The following HIVEP2 variants were observed in gnomAD, a reference collection of about 807,000 sequenced individuals.
HIVEP2 encodes the protein transcription factor HIVEP2.
Under a neutral mutation model 180.7 loss-of-function variants are expected in HIVEP2, and 14 were observed. That is an observed-to-expected ratio of 0.08 (90% confidence interval 0.05 to 0.12). HIVEP2 has a LOEUF of 0.12. Ranked by LOEUF, HIVEP2 falls within the 10% of genes least tolerant of loss-of-function variation. HIVEP2 has a pLI of 1.00. For synonymous variants in HIVEP2, 1,184 were observed against 1,136.4 expected, an observed-to-expected ratio of 1.04 and a Z score of -0.84; for missense variants, 2,579 against 3,008.5, an observed-to-expected ratio of 0.86 and a Z score of 3.34.
intron 1 of HIVEP2, among the ~76,000 whole-genome samples, chr6:142,846,890 G>A (rs1036987280): frequency 2.6e-5 from 4 of 152,210 alleles, no homozygotes; most frequent in Admixed American, 2.6e-4. Flanking sequence ...TTAAGGACCA[G>A]GATGAGGTGC....
At chr6:142,756,743 C>T (rs941021222) in intron 9 of HIVEP2, among the ~76,000 whole-genome samples, 4 of 151,656 alleles carry the variant, frequency 2.6e-5, no homozygotes, top group South Asian at 2.1e-4. Context: ...TCGAACCATG[C>T]GTAGTAGACC....
intron 1 of HIVEP2, among the ~76,000 whole-genome samples, chr6:142,907,202 T>A (rs753131831): frequency 6.6e-6 from 1 of 152,224 alleles, no homozygotes; most frequent in Non-Finnish European, 1.5e-5. Context: ...ATTGTTCATT[T>A]CTATCCTTGT....
chr6:142,845,840 C>T (rs1015773771), intron 1 of HIVEP2, among the ~76,000 whole-genome samples: 15 of 152,234 alleles, frequency 9.9e-5, no homozygotes, highest in African/African-American at 3.6e-4. Context: ...AGAGGCCCTC[C>T]CCCGGACAAC....
intron 2 of HIVEP2, among the ~76,000 whole-genome samples, chr6:142,801,687 T>C (rs1361553765): frequency 6.6e-6 from 1 of 152,138 alleles, no homozygotes; most frequent in Non-Finnish European, 1.5e-5. Flanking sequence ...ATTCCTGCCC[T>C]GCTATCTTCC....
At chr6:142,804,436 G>A (rs144322987) in intron 2 of HIVEP2, among the ~76,000 whole-genome samples, 11 of 152,146 alleles carry the variant, frequency 7.2e-5, no homozygotes, top group African/African-American at 2.2e-4. Context: ...TCAGAGGAAG[G>A]CAGGTAATGA....
At chr6:142,803,119 C>G (rs763270723) in intron 2 of HIVEP2, among the ~76,000 whole-genome samples, 2 of 152,082 alleles carry the variant, frequency 1.3e-5, no homozygotes, top group Non-Finnish European at 2.9e-5. Flanking sequence ...GTCAAGATTG[C>G]TAGTGTATTT....
intron 1 of HIVEP2, among the ~76,000 whole-genome samples, chr6:142,842,233 A>G (rs1775383956): frequency 6.6e-6 from 1 of 152,220 alleles, no homozygotes; most frequent in South Asian, 2.1e-4. Context: ...AAAGATAGAG[A>G]AAAAGTGCAG....
chr6:142,832,491 C>T (rs537451945), intron 2 of HIVEP2, among the ~76,000 whole-genome samples: 18 of 152,020 alleles, frequency 1.2e-4, no homozygotes, highest in Non-Finnish European at 2.4e-4. Flanking sequence ...AGAAGTAATA[C>T]TACAATAAAA....
chr6:142,919,809 A>T (rs367739726), intron 1 of HIVEP2, among the ~76,000 whole-genome samples: 5 of 152,244 alleles, frequency 3.3e-5, no homozygotes, highest in African/African-American at 1.2e-4. Flanking sequence ...TTTCACATTT[A>T]GTGTGCTATT....
intron 1 of HIVEP2, among the ~76,000 whole-genome samples, chr6:142,854,218 C>T (rs1162816918): frequency 6.6e-6 from 1 of 152,098 alleles, no homozygotes; most frequent in Non-Finnish European, 1.5e-5. Context: ...GGAGTTCTTT[C>T]TGGTTGCCAA....
At chr6:142,941,790 A>T (rs1778185483) in intron 1 of HIVEP2, among the ~76,000 whole-genome samples, 1 of 152,232 alleles carries the variant, frequency 6.6e-6, no homozygotes, top group South Asian at 2.1e-4. Context: ...ATATGAATTC[A>T]TGATGAATTC....
At position 142,772,060 on chromosome 6, in the gene HIVEP2, C is replaced by A. The variant is rs1247033068; in HGVS notation, c.2679G>T (p.Val893=). ...QHNIQVPEIR[V]TEEPDKPEKE... is the part of the protein sequence containing the mutation. ...TCTCAGGTTTATCAGGCTCCTCGGT[C>A]ACTCGAATCTCAGGAACCTGGATGT... Residue 893 remains valine (V), a synonymous_variant, in exon 5 of 10, where the codon GTG becomes GTT. Coordinates refer to ENST00000367603, the MANE Select transcript of HIVEP2 (RefSeq NM_006734.4). This position sits in a 1 kb window ranked among gnomAD's most constrained non-coding sequence, Gnocchi z 4.9. 1 of 1,614,202 alleles carries A rather than the reference C, an allele frequency of 6.2e-7. No individual in the cohort carries two copies. Among genetic ancestry groups the A allele is most frequent in the Non-Finnish European group, 8.5e-7 (1 of 1,180,042 alleles).
intron 1 of HIVEP2, among the ~76,000 whole-genome samples, chr6:142,942,235 C>G (rs1165077993): frequency 2.0e-5 from 3 of 151,858 alleles, no homozygotes; most frequent in African/African-American, 7.3e-5. Context: ...AAAGCTGAAA[C>G]CCAATACAGT....
intron 2 of HIVEP2, among the ~76,000 whole-genome samples, chr6:142,801,413 CAA>C (rs10569495): frequency 0.5 from 50,961 of 102,262 alleles, 9,228 homozygotes; most frequent in South Asian, 0.57. Flanking sequence ...GACTCTGTCT[CAA>C]AAAAAAAAAA....
At chr6:142,870,440 C>T (rs977737323) in intron 1 of HIVEP2, among the ~76,000 whole-genome samples, 8 of 152,076 alleles carry the variant, frequency 5.3e-5, no homozygotes, top group Non-Finnish European at 8.8e-5. Flanking sequence ...TTGTTTTTTG[C>T]GGAATGTACA....
rs576463091 is a variant in HIVEP2 at position 142,765,887 on chromosome 6, C to G, written c.5343-913G>C. On this transcript the variant is annotated intron_variant, in intron 6 of 9. Transcript: ENST00000367603. ...AGTAGTATACGGACTAATTCAATGACTGTCATTATCTCTTAAGTCAAAGCT... is the reference window on the plus strand; with the variant it reads ...AGTAGTATACGGACTAATTCAATGAGTGTCATTATCTCTTAAGTCAAAGCT... Among the ~76,000 whole-genome samples the G allele has an allele frequency of 4.6e-5, 7 of 152,268 alleles. No individual in the cohort carries two copies. The South Asian group carries it at 1.2e-3, about 27-fold the overall frequency.
chr6:142,855,043 G>T (rs985021655), intron 1 of HIVEP2, among the ~76,000 whole-genome samples: 13 of 152,286 alleles, frequency 8.5e-5, no homozygotes, highest in Middle Eastern at 3.4e-3. Context: ...TTCACTTTCA[G>T]TTCTCACCAC....
At chr6:142,934,099 ATCAG>A (rs1328343315) in intron 1 of HIVEP2, among the ~76,000 whole-genome samples, 1 of 152,248 alleles carries the variant, frequency 6.6e-6, no homozygotes, top group East Asian at 1.9e-4. Context: ...TTGCATCAAT[ATCAG>A]TCAATTATCT....
intron 1 of HIVEP2, among the ~76,000 whole-genome samples, chr6:142,849,517 A>AT (rs5880551): frequency 0.021 from 2,769 of 131,760 alleles, 29 homozygotes; most frequent in Middle Eastern, 0.052. Context: ...TTATTTATTT[A>AT]TTTTTTTTTT....
Sources: allele counts gnomAD v4.1 joint callset (sites outside exome capture counted in the v4.1 genomes callset), GRCh38; gene constraint gnomAD v4.1.1; non-coding constraint Gnocchi (gnomAD v3.1); transcripts MANE v1.5; gene names NCBI Gene and HGNC (gene_info 2026-07-23, HGNC 2026-07-21).